The following HEYL variants were observed in gnomAD, a reference collection of about 807,000 sequenced individuals.
HEYL encodes hairy/enhancer-of-split related with YRPW motif-like protein.
In HEYL, 12 loss-of-function variants were observed where a neutral mutation model predicts 18.6. The observed-to-expected ratio is 0.65, with a 90% confidence interval of 0.41 to 1.05. HEYL has a LOEUF of 1.05. Ranked by LOEUF, HEYL falls within the 50% of genes least tolerant of loss-of-function variation. HEYL has a pLI of 0.00. For missense variants in HEYL, 420 were observed against 444.7 expected (o/e 0.94, Z 0.50); for synonymous variants, 159 against 179.6 (o/e 0.89, Z 0.91).
chr1:39,632,128 AC>A (rs1281109024), intron 2 of HEYL, among the ~76,000 whole-genome samples: 1 of 152,232 alleles, frequency 6.6e-6, no homozygotes, highest in African/African-American at 2.4e-5. Flanking sequence ...CTAAGGGCTT[AC>A]AGTCAGTGAG....
Position 39,626,786 on chromosome 1 carries a change from CA to C in HEYL, c.707del (p.Val236GlyfsTer16), listed in dbSNP as rs1646301100. The C allele has an allele frequency of 6.4e-7, 1 of 1,556,516 alleles. No homozygotes were observed. Among genetic ancestry groups the C allele is most frequent in the Non-Finnish European group, 8.7e-7 (1 of 1,149,620 alleles). ...TGIILPARRN[V>X]LPSRGASSTR... ...TGGAAGATGCCCCTCGACTGGGCAG[CA>C]CATTCCTCCGGGCTGGCAGGATGAT... On this transcript the variant is annotated frameshift_variant, in exon 5 of 5. Transcript: ENST00000372852. LOFTEE classifies it low-confidence loss of function (END_TRUNC).
At position 39,626,496 on chromosome 1, in the gene HEYL, G is replaced by A. The variant is rs764222546; in HGVS notation, c.*11C>T. On this transcript the variant is annotated 3_prime_UTR_variant, in exon 5 of 5. Coordinates refer to ENST00000372852, the MANE Select transcript of HEYL (RefSeq NM_014571.4). ...TCCTTATTCCTTGGGGCGGGGTGGTGAAGGGGCAGCTCAGAAAGCCCCGAT... is the reference window on the plus strand; with the variant it reads ...TCCTTATTCCTTGGGGCGGGGTGGTAAAGGGGCAGCTCAGAAAGCCCCGAT... 1.3e-6 allele frequency: 2 copies of A among 1,503,470 alleles called. No individual in the cohort carries two copies. The highest frequency in any genetic ancestry group is 4.9e-5 in the Admixed American group (2 of 41,046). 93.1% of individuals were successfully genotyped at this position (1,503,470 alleles called of 1,614,324 possible).
Position 39,639,541 on chromosome 1 carries a change from C to A in HEYL, c.80+5G>T, listed in dbSNP as rs758111569. 1 of 1,580,860 alleles carries A rather than the reference C, an allele frequency of 6.3e-7. No individual in the cohort carries two copies. Among genetic ancestry groups the A allele is most frequent in the East Asian group, 2.4e-5 (1 of 41,064 alleles). Reference sequence around the variant, plus strand: ...CCTGCTCGGTCCCCGCATCCCGGCCCTTACCTCAGCTGGCCCTCTTGGCCC... The same window carrying A: ...CCTGCTCGGTCCCCGCATCCCGGCCATTACCTCAGCTGGCCCTCTTGGCCC... On this transcript the variant is annotated splice_donor_5th_base_variant and intron_variant, in intron 1 of 4. Transcript: ENST00000372852.
At chr1:39,638,234 G>A (rs1036525447) in intron 1 of HEYL, among the ~76,000 whole-genome samples, 2 of 152,178 alleles carry the variant, frequency 1.3e-5, no homozygotes, top group African/African-American at 4.8e-5. Context: ...GACTGAGGCA[G>A]GATCCTTGGA....
At chr1:39,631,684 G>T in intron 2 of HEYL, 105 bp from the exon 3 acceptor site, 1 of 861,414 alleles carries the variant, frequency 1.2e-6, no homozygotes, top group Non-Finnish European at 1.9e-6. Flanking sequence ...TTTTGTGAGG[G>T]AGATCAATCT....
chr1:39,637,455 T>C (rs956961826), intron 1 of HEYL, among the ~76,000 whole-genome samples: 1 of 152,002 alleles, frequency 6.6e-6, no homozygotes, highest in Non-Finnish European at 1.5e-5. Flanking sequence ...TCCCTGAGAG[T>C]TCCCTGAGGG....
At position 39,627,139 on chromosome 1, in the gene HEYL, T is replaced by G; in HGVS notation, c.355A>C (p.Ile119Leu). ...ARALAVDFRS[I>L]GFRECLTEVI... Reference sequence around the variant, plus strand: ...TCAGTGAGGCACTCCCGAAAACCAATGCTCCGGAAGTCAACTGCCAGGGCT... The same window carrying G: ...TCAGTGAGGCACTCCCGAAAACCAAGGCTCCGGAAGTCAACTGCCAGGGCT... Residue 119 changes from isoleucine to leucine, a missense_variant, in exon 5 of 5, where the codon ATT becomes CTT. Transcript: ENST00000372852. 1 of 1,613,744 alleles carries G rather than the reference T, an allele frequency of 6.2e-7. No homozygotes were observed. Among genetic ancestry groups the G allele is most frequent in the Non-Finnish European group, 8.5e-7 (1 of 1,179,742 alleles).
chr1:39,633,066 GGGCCGGGC>G, intron 1 of HEYL: 1 of 981,022 alleles, frequency 1.0e-6, no homozygotes, highest in Non-Finnish European at 1.2e-6. Context: ...CGGCGGGGCT[GGGCCGGGC>G]GGGTTGGGTT....
At chr1:39,631,068 A>G (rs1375982762) in intron 3 of HEYL, among the ~76,000 whole-genome samples, 4 of 152,158 alleles carry the variant, frequency 2.6e-5, no homozygotes, top group Admixed American at 2.6e-4. Context: ...AACATGCTCA[A>G]TGGTAGAGTG....
Position 39,626,842 on chromosome 1 carries a change from G to C in HEYL, c.652C>G (p.Arg218Gly). ...GTGGCTCTGCGAAGGGGAGCGGTTC[G>C]GAGGGCTGGGATGGGGTAAGCAGGA... ...SSPAYPIPAL[R>G]TAPLRRATGI... Residue 218 changes from arginine (R) to glycine (G), a missense_variant, in exon 5 of 5, where the codon CGA becomes GGA. Arg to Gly is a moderately radical substitution (Grantham distance 125). Coordinates refer to ENST00000372852, the MANE Select transcript of HEYL (RefSeq NM_014571.4). 6.3e-7 allele frequency: 1 copy of C among 1,577,768 alleles called. No homozygotes were observed. The highest frequency in any genetic ancestry group is 8.6e-7 in the Non-Finnish European group (1 of 1,161,390).
intron 4 of HEYL, 149 bp downstream of exon 4, chr1:39,630,078 G>A: frequency 1.5e-6 from 1 of 676,760 alleles, no homozygotes; most frequent in Non-Finnish European, 2.7e-6. Context: ...ATGCTGAAAG[G>A]AGAGAGAGAA....
At position 39,627,129 on chromosome 1, in the gene HEYL, C is replaced by T. The variant is rs773114404; in HGVS notation, c.365G>A (p.Arg122Gln). The T allele has an allele frequency of 4.3e-6, 7 of 1,613,942 alleles. No homozygotes were observed. The highest frequency in any genetic ancestry group is 3.3e-5 in the South Asian group (3 of 91,076). The part of the protein sequence containing the change: ...LAVDFRSIGF[R>Q]ECLTEVIRYL... ...CCTGATGACCTCAGTGAGGCACTCCCGAAAACCAATGCTCCGGAAGTCAAC... is the reference window on the plus strand; with the variant it reads ...CCTGATGACCTCAGTGAGGCACTCCTGAAAACCAATGCTCCGGAAGTCAAC... The change falls in exon 5 of 5, where the codon CGG becomes CAG. Residue 122 changes from arginine to glutamine, a missense_variant. Transcript: ENST00000372852.
Position 39,626,649 on chromosome 1 carries a change from G to A in HEYL, c.845C>T (p.Thr282Ile). The A allele has an allele frequency of 1.3e-6, 2 of 1,532,844 alleles. No individual in the cohort carries two copies. Among genetic ancestry groups the A allele is most frequent in the South Asian group, 1.3e-5 (1 of 78,070 alleles). The allele number at this position is 1,532,844 out of a possible 1,614,324, so 95.0% of individuals were successfully genotyped here. ...AGCCGACCCTGTAGGACCAGGGGGTGTTGGGGAGGAAGACTGCAGGAGGGG... is the reference window on the plus strand; with the variant it reads ...AGCCGACCCTGTAGGACCAGGGGGTATTGGGGAGGAAGACTGCAGGAGGGG... ...IAPLLQSSSP[T>I]PPGPTGSAAY... is the part of the protein sequence containing the mutation. The change falls in exon 5 of 5, where the codon ACA becomes ATA. Residue 282 changes from threonine (T) to isoleucine (I), a missense_variant. Coordinates refer to ENST00000372852, the MANE Select transcript of HEYL (RefSeq NM_014571.4).
rs150591457 is a variant in HEYL, at chr1:39,626,483, G to A, written c.*24C>T. The A allele has an allele frequency of 1.2e-3, 1,714 of 1,479,446 alleles. 9 individuals are homozygous for A. Among genetic ancestry groups the A allele is most frequent in the Non-Finnish European group, 9.1e-4 (1,015 of 1,117,536 alleles). The allele number at this position is 1,479,446 out of a possible 1,614,324, so 91.6% of individuals were successfully genotyped here. ...GGTAAAAGAACCTTCCTTATTCCTT[G>A]GGGCGGGGTGGTGAAGGGGCAGCTC... On this transcript the variant is annotated 3_prime_UTR_variant, in exon 5 of 5. Coordinates refer to ENST00000372852, the MANE Select transcript of HEYL (RefSeq NM_014571.4).
In HEYL at chr1:39,627,072, C is replaced by G. The variant is rs1459543932; in HGVS notation, c.422G>C (p.Arg141Pro). The stretch of plus-strand genomic sequence containing the variant: ...AAGGCGAATCCGGACGGGGTCTGCA[C>G]GGCTGCTGGGCCCTTCAAGGACCCC... ...YLGVLEGPSS[R>P]ADPVRIRLLS... is the part of the protein sequence containing the mutation. Residue 141 changes from arginine to proline, a missense_variant, in exon 5 of 5, where the codon CGT (arginine) becomes CCT (proline). Coordinates refer to ENST00000372852, the MANE Select transcript of HEYL (RefSeq NM_014571.4). 1 of 1,614,196 alleles carries G rather than the reference C, an allele frequency of 6.2e-7. No homozygotes were observed. Among genetic ancestry groups the G allele is most frequent in the South Asian group, 1.1e-5 (1 of 91,088 alleles).
chr1:39,634,632 G>A (rs1646353214), intron 1 of HEYL, among the ~76,000 whole-genome samples: 1 of 152,160 alleles, frequency 6.6e-6, no homozygotes. Flanking sequence ...CAACTCAGAT[G>A]GCACCTCCCT....
rs539262920 is a variant in HEYL at position 39,638,199 on chromosome 1, A to G, written c.80+1347T>C. 2.0e-5 allele frequency among the ~76,000 whole-genome samples: 3 copies of G among 152,372 alleles called. No individual in the cohort carries two copies. In the East Asian group the frequency reaches 5.8e-4, roughly 29 times the overall value. On this transcript the variant is annotated intron_variant, in intron 1 of 4. Transcript: ENST00000372852. ...TGTACAGGCTGCAAGAGGAATATCT[A>G]TTATGGCATTTTCCTGGGATTTGAG...
At chr1:39,637,809 T>C (rs1268002616) in intron 1 of HEYL, among the ~76,000 whole-genome samples, 1 of 152,216 alleles carries the variant, frequency 6.6e-6, no homozygotes, top group East Asian at 1.9e-4. Flanking sequence ...TTGCCATCTT[T>C]GATTAAGAGT....
chr1:39,636,414 G>A (rs549209067), intron 1 of HEYL, among the ~76,000 whole-genome samples: 20 of 152,178 alleles, frequency 1.3e-4, no homozygotes, highest in African/African-American at 4.1e-4. Flanking sequence ...CTACAGGCAC[G>A]TGTCACCATG....
Sources: allele counts gnomAD v4.1 joint callset (sites outside exome capture counted in the v4.1 genomes callset), GRCh38; gene constraint gnomAD v4.1.1; transcripts MANE v1.5; gene names NCBI Gene and HGNC (gene_info 2026-07-23, HGNC 2026-07-21).